EPHX2: variants seen among roughly 807,000 people sequenced by gnomAD.
EPHX2 encodes the protein epoxide hydrolase 2, also known as bifunctional epoxide hydrolase 2.
EPHX2 carries 74 observed loss-of-function variants against 78.7 expected under a neutral mutation model. That is an observed-to-expected ratio of 0.94 (90% CI 0.78 to 1.14). The LOEUF is 1.14. Among genes scored for constraint, EPHX2 ranks in the 50% most tolerant of loss-of-function variants. The pLI is 0.00. For missense variants in EPHX2, 715 were observed against 702.5 expected, an observed-to-expected ratio of 1.02 and a Z score of -0.20; for synonymous variants, 251 against 255.2, an observed-to-expected ratio of 0.98 and a Z score of 0.16.
chr8:27,525,949 A>G (rs1335421906), intron 12 of EPHX2, among the ~76,000 whole-genome samples: 1 of 151,858 alleles, frequency 6.6e-6, no homozygotes. Flanking sequence ...ATATTGGGGC[A>G]TCCCTGCCAC....
downstream of EPHX2, among the ~76,000 whole-genome samples, chr8:27,546,327 C>T (rs1815576392): frequency 6.6e-6 from 1 of 152,112 alleles, no homozygotes; most frequent in Admixed American, 6.6e-5. Flanking sequence ...ATAATATGCA[C>T]AGAGTTCTAG....
Position 27,491,144 on chromosome 8 carries a change from C to A in EPHX2, c.-65C>A. ...CGGGCCAAGCTGGGCGGGTCATGCG[C>A]CCTGGCCTTCGCGCATCTCCCAGGT... On this transcript the variant is annotated 5_prime_UTR_variant, in exon 1 of 19. Coordinates refer to ENST00000521400, the MANE Select transcript of EPHX2 (RefSeq NM_001979.6). 6.8e-7 allele frequency: 1 copy of A among 1,477,418 alleles called. No homozygotes were observed. Among genetic ancestry groups the A allele is most frequent in the Non-Finnish European group, 9.0e-7 (1 of 1,106,228 alleles). 91.5% of individuals were successfully genotyped at this position (1,477,418 alleles called of 1,614,324 possible).
intron 14 of EPHX2, among the ~76,000 whole-genome samples, chr8:27,540,128 A>G (rs1211637344): frequency 6.6e-6 from 1 of 152,068 alleles, no homozygotes; most frequent in Non-Finnish European, 1.5e-5. Context: ...TAGAGGAAAA[A>G]CGGAGCAAAT....
At chr8:27,497,990 A>G (rs1422959018) in intron 1 of EPHX2, among the ~76,000 whole-genome samples, 2 of 152,134 alleles carry the variant, frequency 1.3e-5, no homozygotes, top group East Asian at 3.9e-4. Context: ...CTAAGATACC[A>G]AACTCTCAGG....
intron 5 of EPHX2, among the ~76,000 whole-genome samples, chr8:27,509,740 T>C (rs1814163740): frequency 6.6e-6 from 1 of 152,154 alleles, no homozygotes; most frequent in Non-Finnish European, 1.5e-5. Flanking sequence ...GTTATACCCT[T>C]TTATATCCCC....
chr8:27,506,274 A>C (rs895663117), intron 4 of EPHX2, among the ~76,000 whole-genome samples: 2 of 152,206 alleles, frequency 1.3e-5, no homozygotes, highest in East Asian at 3.8e-4. Context: ...GTGAGCCATC[A>C]AGCCTAGCAC....
At chr8:27,507,064 C>G in intron 5 of EPHX2, 70 bp downstream of exon 5, 6 of 1,573,456 alleles carry the variant, frequency 3.8e-6, no homozygotes, top group Non-Finnish European at 2.6e-6. Context: ...GAGAAAACCA[C>G]GAGCAGAGAA....
intron 3 of EPHX2, 40 bp from the exon 4 acceptor site, chr8:27,504,916 G>C (rs1813938731): frequency 6.2e-7 from 1 of 1,607,744 alleles, no homozygotes; most frequent in African/African-American, 1.3e-5. Context: ...TCAGGGCAAA[G>C]GTCTGTAGCT....
Position 27,491,269 on chromosome 8 carries a change from G to C in EPHX2, c.61G>C (p.Gly21Arg). The C allele has an allele frequency of 6.3e-7, 1 of 1,579,312 alleles. No homozygotes were observed. Among genetic ancestry groups the C allele is most frequent in the South Asian group, 1.1e-5 (1 of 88,526 alleles). Residue 21 changes from glycine to arginine, a missense_variant, in exon 1 of 19, where the codon GGC (glycine) becomes CGC (arginine). By Grantham distance (125) the Gly-to-Arg change is moderately radical. Coordinates refer to ENST00000521400, the MANE Select transcript of EPHX2 (RefSeq NM_001979.6). ...GGTGCTGGCGCTGCCAGCGGTGTTC[G>C]GCGTCCTCGGCCGCACGGAGGAGGC... ...DGVLALPAVF[G>R]VLGRTEEALA...
At chr8:27,526,881 G>A (rs942371586) in intron 12 of EPHX2, among the ~76,000 whole-genome samples, 3 of 152,126 alleles carry the variant, frequency 2.0e-5, no homozygotes, top group Non-Finnish European at 1.5e-5. Flanking sequence ...CTCCTGAGTA[G>A]CTGAGACTAC....
intron 5 of EPHX2, among the ~76,000 whole-genome samples, chr8:27,508,829 G>T (rs1225023087): frequency 1.3e-5 from 2 of 151,288 alleles, no homozygotes; most frequent in Non-Finnish European, 2.9e-5. Context: ...CTGTCGTGCA[G>T]TCATCACCAC....
At chr8:27,523,955 C>CA (rs777064278) in intron 11 of EPHX2, among the ~76,000 whole-genome samples, 2 of 146,630 alleles carry the variant, frequency 1.4e-5, no homozygotes, top group Non-Finnish European at 3.0e-5. Flanking sequence ...TTTTTTGAGA[C>CA]AGAGTCTCAC....
At chr8:27,501,326 T>TCTTCTC (rs1813764435) in intron 2 of EPHX2, among the ~76,000 whole-genome samples, 1 of 32,440 alleles carries the variant, frequency 3.1e-5, no homozygotes, top group Admixed American at 2.6e-4. Flanking sequence ...CTATATATTT[T>TCTTCTC]CTTCTTCTTC....
At chr8:27,526,969 C>T (rs905091709) in intron 12 of EPHX2, among the ~76,000 whole-genome samples, 26 of 152,154 alleles carry the variant, frequency 1.7e-4, no homozygotes, top group Non-Finnish European at 2.4e-4. Context: ...GAGGCGGAGT[C>T]GCCCTCTGTT....
chr8:27,503,471 G>T (rs1457407416), intron 2 of EPHX2, 133 bp from the exon 3 acceptor site: 23 of 1,026,162 alleles, frequency 2.2e-5, no homozygotes, highest in African/African-American at 3.3e-5. Flanking sequence ...AACATATGTT[G>T]GCATTTCCAG....
intron 13 of EPHX2, among the ~76,000 whole-genome samples, chr8:27,537,691 T>A (rs144898938): frequency 6.6e-6 from 1 of 152,304 alleles, no homozygotes; most frequent in East Asian, 1.9e-4. Flanking sequence ...TAGAGTCTTG[T>A]TGTATTCTTA....
chr8:27,518,293 T>G (rs1239931687), intron 9 of EPHX2, among the ~76,000 whole-genome samples: 1 of 152,190 alleles, frequency 6.6e-6, no homozygotes, highest in Non-Finnish European at 1.5e-5. Context: ...AAGAGAAAAC[T>G]GAGTCATGGG....
At chr8:27,502,753 A>C (rs983347762) in intron 2 of EPHX2, among the ~76,000 whole-genome samples, 4 of 152,136 alleles carry the variant, frequency 2.6e-5, no homozygotes, top group Admixed American at 6.5e-5. Flanking sequence ...TCCTCTTCTT[A>C]TTTGGGCACC....
intron 12 of EPHX2, among the ~76,000 whole-genome samples, chr8:27,530,263 G>C (rs571448798): frequency 5.9e-5 from 9 of 152,192 alleles, no homozygotes; most frequent in African/African-American, 2.2e-4. Context: ...ATTAGTTACA[G>C]AGTTTATTTT....
Sources: gnomAD v4.1 joint callset for allele counts (sites outside exome capture counted in the v4.1 genomes callset) on GRCh38, gnomAD v4.1.1 for gene constraint, MANE v1.5 for transcripts, NCBI Gene and HGNC (gene_info 2026-07-23, HGNC 2026-07-21) for gene names.